GRM7: variants seen among roughly 807,000 people sequenced by gnomAD.
The protein encoded by GRM7 is glutamate metabotropic receptor 7, also known as metabotropic glutamate receptor 7.
Under a neutral mutation model 84.5 loss-of-function variants are expected in GRM7, and 35 were observed. The ratio of observed to expected loss-of-function variants is 0.41; its 90% CI spans 0.32 to 0.55. The LOEUF is 0.55. GRM7 is among the 20% of genes least tolerant of loss of function. The pLI, the probability that GRM7 is intolerant of heterozygous loss-of-function variation, is 0.19. For synonymous variants in GRM7, 487 were observed against 455.1 expected, an observed-to-expected ratio of 1.07 and a Z score of -0.89; for missense variants, 1,003 against 1,194.6, an observed-to-expected ratio of 0.84 and a Z score of 2.36.
chr3:7,231,838 C>T (rs1697205252), intron 2 of GRM7, among the ~76,000 whole-genome samples: 1 of 152,148 alleles, frequency 6.6e-6, no homozygotes, highest in Admixed American at 6.6e-5. Context: ...TTACTGCCCT[C>T]CAGCTGATCA....
chr3:6,900,121 A>C (rs1696331614), intron 1 of GRM7, among the ~76,000 whole-genome samples: 1 of 152,244 alleles, frequency 6.6e-6, no homozygotes, highest in Non-Finnish European at 1.5e-5. Context: ...TAAAAGGGGA[A>C]TATGTTTAGA....
At chr3:7,466,923 A>G (rs1698482186) in intron 7 of GRM7, among the ~76,000 whole-genome samples, 1 of 152,222 alleles carries the variant, frequency 6.6e-6, no homozygotes, top group African/African-American at 2.4e-5. Context: ...TCCATGTTTT[A>G]GTCATTGCTT....
Position 7,092,067 on chromosome 3 carries a change from G to T in GRM7, c.520-54385G>T, listed in dbSNP as rs138460031. Among the ~76,000 whole-genome samples the T allele has an allele frequency of 3.2e-4, 48 of 152,144 alleles. No individual in the cohort carries two copies. The East Asian group carries it at 8.7e-3, about 28-fold the overall frequency. ...TCTGTCACCCAGGCTGGAGTGAAGTGGCGTGATCTCAGCTTTCTGCAACCT... is the reference window on the plus strand; with the variant it reads ...TCTGTCACCCAGGCTGGAGTGAAGTTGCGTGATCTCAGCTTTCTGCAACCT... On this transcript the variant is annotated intron_variant, in intron 1 of 9. Coordinates refer to ENST00000357716, the MANE Select transcript of GRM7 (RefSeq NM_000844.4).
chr3:7,166,064 T>C (rs1001652239), intron 2 of GRM7, among the ~76,000 whole-genome samples: 2 of 152,228 alleles, frequency 1.3e-5, no homozygotes, highest in African/African-American at 4.8e-5. Flanking sequence ...TTCATTGATT[T>C]GGCTAAGGGT....
At chr3:7,163,520 T>C (rs571682977) in intron 2 of GRM7, among the ~76,000 whole-genome samples, 16 of 152,330 alleles carry the variant, frequency 1.1e-4, no homozygotes, top group East Asian at 9.7e-4. Context: ...GAGTAATCAA[T>C]AGTGAGTAGT....
chr3:7,083,686 T>C (rs1698346514), intron 1 of GRM7, among the ~76,000 whole-genome samples: 1 of 152,282 alleles, frequency 6.6e-6, no homozygotes, highest in South Asian at 2.1e-4. Flanking sequence ...CTAGTGATGA[T>C]CAAACTGGGC....
chr3:7,095,628 A>G (rs1423064901), intron 1 of GRM7, among the ~76,000 whole-genome samples: 1 of 152,152 alleles, frequency 6.6e-6, no homozygotes, highest in Non-Finnish European at 1.5e-5. Context: ...ATATTCTATA[A>G]CTATTGTTTT....
chr3:7,377,767 A>G (rs1464735133), intron 4 of GRM7, among the ~76,000 whole-genome samples: 1 of 152,218 alleles, frequency 6.6e-6, no homozygotes, highest in Admixed American at 6.5e-5. Context: ...AAAAATATTT[A>G]CATAATGGGA....
intron 1 of GRM7, among the ~76,000 whole-genome samples, chr3:7,072,922 A>G (rs1697938433): frequency 6.6e-6 from 1 of 152,172 alleles, no homozygotes; most frequent in South Asian, 2.1e-4. Flanking sequence ...TCAGATCATG[A>G]CATTGAGCAC....
intron 2 of GRM7, among the ~76,000 whole-genome samples, chr3:7,251,600 G>A (rs1697990016): frequency 6.6e-6 from 1 of 152,102 alleles, no homozygotes; most frequent in African/African-American, 2.4e-5. Flanking sequence ...TATTTTTACT[G>A]TGATACTTGT....
chr3:7,204,274 A>T (rs1696161043), intron 2 of GRM7, among the ~76,000 whole-genome samples: 1 of 152,172 alleles, frequency 6.6e-6, no homozygotes, highest in Admixed American at 6.5e-5. Context: ...TCAGAGGAGG[A>T]GAGATGATCT....
At chr3:6,915,581 G>A (rs1696915366) in intron 1 of GRM7, among the ~76,000 whole-genome samples, 1 of 152,272 alleles carries the variant, frequency 6.6e-6, no homozygotes, top group African/African-American at 2.4e-5. Flanking sequence ...CAATGAACCT[G>A]CATGTTACAT....
chr3:7,597,891 T>C (rs993921976), intron 8 of GRM7, among the ~76,000 whole-genome samples: 6 of 152,092 alleles, frequency 3.9e-5, no homozygotes, highest in African/African-American at 1.4e-4. Flanking sequence ...ATAAGGGAAG[T>C]TGGTGATGGA....
At chr3:7,143,389 T>A (rs1694011596) in intron 1 of GRM7, among the ~76,000 whole-genome samples, 1 of 152,168 alleles carries the variant, frequency 6.6e-6, no homozygotes, top group Non-Finnish European at 1.5e-5. Flanking sequence ...TATCTCAGAA[T>A]AAAATCCTTT....
At chr3:6,966,254 T>A (rs960033916) in intron 1 of GRM7, among the ~76,000 whole-genome samples, 1 of 152,176 alleles carries the variant, frequency 6.6e-6, no homozygotes, top group Non-Finnish European at 1.5e-5. Context: ...ACATAATTAG[T>A]GTAGGCAGGA....
intron 2 of GRM7, among the ~76,000 whole-genome samples, chr3:7,225,638 T>C (rs979302146): frequency 6.6e-6 from 1 of 150,870 alleles, no homozygotes; most frequent in African/African-American, 2.4e-5. Context: ...ATGAATTAAA[T>C]TAATTGTAAA....
chr3:6,881,242 G>A (rs1398794061), intron 1 of GRM7, among the ~76,000 whole-genome samples: 1 of 152,056 alleles, frequency 6.6e-6, no homozygotes, highest in Non-Finnish European at 1.5e-5. Context: ...CATTACATAG[G>A]TATTAAGCCC....
chr3:7,453,271 A>G (rs910435581), intron 6 of GRM7, among the ~76,000 whole-genome samples: 1 of 152,076 alleles, frequency 6.6e-6, no homozygotes, highest in African/African-American at 2.4e-5. Context: ...AGTGGACACA[A>G]GCTGACTGTC....
chr3:7,160,056 A>G (rs1161719758), intron 2 of GRM7, among the ~76,000 whole-genome samples: 1 of 152,150 alleles, frequency 6.6e-6, no homozygotes, highest in African/African-American at 2.4e-5. Context: ...GGGATCAGGA[A>G]GCATTAAAGG....
Sources: allele counts gnomAD v4.1 joint callset (sites outside exome capture counted in the v4.1 genomes callset), GRCh38; gene constraint gnomAD v4.1.1; transcripts MANE v1.5; gene names NCBI Gene and HGNC (gene_info 2026-07-23, HGNC 2026-07-21).